Variants in COL21A1 observed in about 807,000 individuals in gnomAD.
COL21A1 encodes collagen type XXI alpha 1 chain, also known as collagen alpha-1(XXI) chain.
COL21A1 carries 149 observed loss-of-function variants against 137.9 expected under a neutral mutation model. The ratio of observed to expected loss-of-function variants is 1.08; its 90% confidence interval spans 0.95 to 1.24. The LOEUF is 1.24. Among genes scored for constraint, COL21A1 ranks in the 50% most tolerant of loss-of-function variants. The probability of loss-of-function intolerance (pLI) is 0.00; values close to 1 mark genes in which losing one functional copy is unlikely to be tolerated. For missense variants in COL21A1, 1,167 were observed against 1,158.4 expected (o/e 1.01, Z -0.11); for synonymous variants, 456 against 391.5 (o/e 1.16, Z -1.95).
chr6:56,377,703 T>C (rs185564227), intron 1 of COL21A1, among the ~76,000 whole-genome samples: 3 of 152,068 alleles, frequency 2.0e-5, no homozygotes, highest in Admixed American at 2.0e-4. Flanking sequence ...AGACAGTGGA[T>C]TGAGGAGGCA....
chr6:56,139,644 T>A (rs1331750239), intron 12 of COL21A1, among the ~76,000 whole-genome samples: 1 of 152,208 alleles, frequency 6.6e-6, no homozygotes, highest in Non-Finnish European at 1.5e-5. Flanking sequence ...TAACATGTAT[T>A]CTCTAACATT....
At chr6:56,098,148 AATAGATAT>A in intron 17 of COL21A1, among the ~76,000 whole-genome samples, 1 of 44,684 alleles carries the variant, frequency 2.2e-5, no homozygotes, top group African/African-American at 1.1e-4. Context: ...TAGATATATA[AATAGATAT>A]AAATATATAT....
intron 1 of COL21A1, among the ~76,000 whole-genome samples, chr6:56,209,156 G>A (rs1213962495): frequency 6.6e-6 from 1 of 151,388 alleles, no homozygotes; most frequent in Non-Finnish European, 1.5e-5. Flanking sequence ...CTTAAACTAA[G>A]ACCTAAAACA....
chr6:56,334,925 C>G (rs1375194654), intron 1 of COL21A1, among the ~76,000 whole-genome samples: 1 of 152,110 alleles, frequency 6.6e-6, no homozygotes, highest in African/African-American at 2.4e-5. Flanking sequence ...CACAAAAGTC[C>G]ACACCAAATG....
intron 1 of COL21A1, among the ~76,000 whole-genome samples, chr6:56,314,130 A>G (rs1258828445): frequency 6.6e-6 from 1 of 152,026 alleles, no homozygotes; most frequent in Non-Finnish European, 1.5e-5. Context: ...GACTACAGGC[A>G]CGCACCACCA....
intron 1 of COL21A1, chr6:56,276,776 T>C (rs1225260129): frequency 1.7e-6 from 2 of 1,170,846 alleles, no homozygotes; most frequent in East Asian, 4.7e-5. Flanking sequence ...TATTTGCTAA[T>C]TCTGGTTGTT....
chr6:56,081,569 G>T (rs749778485), intron 17 of COL21A1, among the ~76,000 whole-genome samples: 2 of 151,744 alleles, frequency 1.3e-5, no homozygotes, highest in Non-Finnish European at 2.9e-5. Flanking sequence ...ACAGTAACTG[G>T]CAGGCCATTA....
At chr6:56,121,298 A>C (rs559450199) in intron 16 of COL21A1, among the ~76,000 whole-genome samples, 1 of 152,062 alleles carries the variant, frequency 6.6e-6, no homozygotes, top group African/African-American at 2.4e-5. Flanking sequence ...AAGGCTACAT[A>C]ATGTATCATT....
intron 1 of COL21A1, among the ~76,000 whole-genome samples, chr6:56,379,004 A>T (rs2094004524): frequency 6.6e-6 from 1 of 152,234 alleles, no homozygotes; most frequent in Non-Finnish European, 1.5e-5. Flanking sequence ...GTCTGCAAGA[A>T]CCACACAGCG....
intron 20 of COL21A1, among the ~76,000 whole-genome samples, chr6:56,072,625 A>G (rs918833394): frequency 1.3e-4 from 19 of 151,388 alleles, no homozygotes; most frequent in Non-Finnish European, 2.2e-4. Context: ...TTAAAGTTTA[A>G]CCAGAACATA....
intron 3 of COL21A1, among the ~76,000 whole-genome samples, chr6:56,177,620 CG>C (rs1332741049): frequency 6.6e-6 from 1 of 151,902 alleles, no homozygotes; most frequent in African/African-American, 2.4e-5. Context: ...CGGTGAAACC[CG>C]TTCTCTACTA....
At chr6:56,106,427 T>C in intron 16 of COL21A1, among the ~76,000 whole-genome samples, 1 of 152,174 alleles carries the variant, frequency 6.6e-6, no homozygotes, top group East Asian at 1.9e-4. Context: ...CCCGTGAATG[T>C]GCCACAAGAA....
rs551291044 is a variant in COL21A1, at chr6:56,211,943, A to G, written c.-38-29287T>C. 4.2e-3 allele frequency among the ~76,000 whole-genome samples: 644 copies of G among 152,190 alleles called. 2 individuals are homozygous for G. The highest frequency in any genetic ancestry group is 5.3e-3 in the Non-Finnish European group (360 of 67,956). On this transcript the variant is annotated intron_variant, in intron 1 of 29. Transcript: ENST00000244728. ...AATTATTTTTCAAATTTTTCTAACCAAGTTTGATGAGTTTGAAAGATTTTT... is the reference window on the plus strand; with the variant it reads ...AATTATTTTTCAAATTTTTCTAACCGAGTTTGATGAGTTTGAAAGATTTTT...
At chr6:56,208,694 C>T (rs775011917) in intron 1 of COL21A1, among the ~76,000 whole-genome samples, 3 of 151,922 alleles carry the variant, frequency 2.0e-5, no homozygotes, top group Non-Finnish European at 2.9e-5. Context: ...ATATGGAAAC[C>T]GAAAAAGAGC....
In COL21A1 at chr6:56,060,058, T is replaced by C; in HGVS notation, c.2568A>G (p.Leu856=). ...GLPGRDGVPG[L]VGVPGRPGVR... ...CACCTGGACGTCCAGGGACACCCACTAATCCAGGAACACCATCTCTTCCTG... is the reference window on the plus strand; with the variant it reads ...CACCTGGACGTCCAGGGACACCCACCAATCCAGGAACACCATCTCTTCCTG... The change falls in exon 28 of 30, where the codon TTA becomes TTG. Residue 856 remains leucine (L), a synonymous_variant. Transcript: ENST00000244728. The C allele has an allele frequency of 6.2e-7, 1 of 1,610,000 alleles. No individual in the cohort carries two copies. Among genetic ancestry groups the C allele is most frequent in the Non-Finnish European group, 8.5e-7 (1 of 1,178,712 alleles).
At chr6:56,298,543 A>G (rs1562044970) in intron 1 of COL21A1, among the ~76,000 whole-genome samples, 1 of 152,176 alleles carries the variant, frequency 6.6e-6, no homozygotes, top group East Asian at 1.9e-4. Context: ...AGGAGAAATG[A>G]TCTAAAAATA....
chr6:56,062,429 C>T (rs948241044), intron 24 of COL21A1, among the ~76,000 whole-genome samples: 4 of 152,062 alleles, frequency 2.6e-5, no homozygotes, highest in Non-Finnish European at 5.9e-5. Context: ...TTAACATTTT[C>T]CATTTTTGAA....
intron 1 of COL21A1, among the ~76,000 whole-genome samples, chr6:56,223,758 C>T (rs1781009319): frequency 6.6e-6 from 1 of 152,082 alleles, no homozygotes; most frequent in South Asian, 2.1e-4. Flanking sequence ...TAGCTATTGC[C>T]AGAGTAACAA....
intron 12 of COL21A1, among the ~76,000 whole-genome samples, chr6:56,128,613 A>C (rs1047026990): frequency 1.3e-5 from 2 of 152,186 alleles, no homozygotes; most frequent in Non-Finnish European, 2.9e-5. Context: ...GAGGAGAAGG[A>C]GGTCGCCACA....
Sources: allele counts gnomAD v4.1 joint callset (sites outside exome capture counted in the v4.1 genomes callset), GRCh38; gene constraint gnomAD v4.1.1; transcripts MANE v1.5; gene names NCBI Gene and HGNC (gene_info 2026-07-23, HGNC 2026-07-21).